The following IKBKB variants were observed in gnomAD, a reference collection of about 807,000 sequenced individuals.
IKBKB encodes the protein inhibitor of nuclear factor kappa-B kinase subunit beta.
A neutral mutation model predicts 113.6 loss-of-function variants in IKBKB; 42 were observed. That is an observed-to-expected ratio of 0.37 (90% CI 0.29 to 0.48). The LOEUF (loss-of-function observed/expected upper bound fraction) is 0.48, where lower values mean the gene tolerates loss of function less well. Ranked by LOEUF, IKBKB falls within the 20% of genes least tolerant of loss-of-function variation. The pLI, the probability that IKBKB is intolerant of heterozygous loss-of-function variation, is 0.99. For synonymous variants in IKBKB, 296 were observed against 361.3 expected (o/e 0.82, Z 2.05); for missense variants, 673 against 939.7 (o/e 0.72, Z 3.71).
At chr8:42,293,725 CTGAT>C (rs1424093422) in intron 5 of IKBKB, among the ~76,000 whole-genome samples, 1 of 152,188 alleles carries the variant, frequency 6.6e-6, no homozygotes, top group African/African-American at 2.4e-5. Context: ...CCCTTCCTTC[CTGAT>C]TAACTCATCA....
Position 42,293,531 on chromosome 8 carries a change from AT to A in IKBKB, c.388+21del. The A allele has an allele frequency of 6.2e-7, 1 of 1,614,090 alleles. No homozygotes were observed. The highest frequency in any genetic ancestry group is 1.1e-5 in the South Asian group (1 of 91,084). ...GACATTGGTAAATCCCAGTCCCGGA[AT>A]TCAGGCCGTGTCCTTCAGGGAGAGT... is the stretch of plus-strand genomic sequence containing the variant. On this transcript the variant is annotated intron_variant, in intron 5 of 21. Coordinates refer to ENST00000520810, the MANE Select transcript of IKBKB (RefSeq NM_001556.3).
intron 8 of IKBKB, 72 bp downstream of exon 8, chr8:42,309,097 C>T (rs1309755152): frequency 1.3e-6 from 2 of 1,498,634 alleles, no homozygotes; most frequent in Non-Finnish European, 9.0e-7. Flanking sequence ...ACCCTGTTTC[C>T]CTGGCGCCCC....
At position 42,272,075 on chromosome 8, in the gene IKBKB, G is replaced by T; in HGVS notation, c.-18-8G>T. 6.2e-7 allele frequency: 1 copy of T among 1,609,308 alleles called. No individual in the cohort carries two copies. The highest frequency in any genetic ancestry group is 8.5e-7 in the Non-Finnish European group (1 of 1,177,404). ...TAACCTTTTTTCCCCATCCCAAATT[G>T]CTTATAGAGTTAGCACGACATCAGT... On this transcript the variant is annotated splice_region_variant and splice_polypyrimidine_tract_variant and intron_variant, in intron 1 of 21. Transcript: ENST00000520810.
intron 2 of IKBKB, among the ~76,000 whole-genome samples, chr8:42,272,665 C>T (rs772294546): frequency 2.0e-5 from 3 of 152,022 alleles, no homozygotes; most frequent in Non-Finnish European, 4.4e-5. Context: ...GCCAGCTGGG[C>T]GTGGTGGCTT....
chr8:42,276,092 CA>C (rs1809030869), intron 2 of IKBKB, among the ~76,000 whole-genome samples: 1 of 152,232 alleles, frequency 6.6e-6, no homozygotes, highest in Admixed American at 6.5e-5. Context: ...CCGCCTGCCT[CA>C]GCCTCCCAAC....
intron 8 of IKBKB, among the ~76,000 whole-genome samples, chr8:42,310,584 T>C (rs1287035246): frequency 1.3e-5 from 2 of 152,208 alleles, no homozygotes; most frequent in Admixed American, 1.3e-4. Flanking sequence ...ACACAAAAAA[T>C]TATTATTTTG....
At chr8:42,325,429 T>A in intron 19 of IKBKB, 2 of 983,384 alleles carry the variant, frequency 2.0e-6, no homozygotes, top group Non-Finnish European at 2.4e-6. Context: ...GGATCATGAA[T>A]CCCAGAACTT....
chr8:42,272,386 C>G (rs1217769982), intron 2 of IKBKB, 181 bp downstream of exon 2: 1 of 697,816 alleles, frequency 1.4e-6, no homozygotes, highest in African/African-American at 1.8e-5. Context: ...TTAGTGGTCT[C>G]CATGCTTTAT....
At chr8:42,306,229 T>C in intron 6 of IKBKB, 114 bp from the exon 7 acceptor site, 2 of 672,012 alleles carry the variant, frequency 3.0e-6, no homozygotes, top group Non-Finnish European at 5.4e-6. Context: ...GTTTGGGATC[T>C]AATAGTACCT....
chr8:42,321,631 C>T (rs1585794012), intron 16 of IKBKB: 1 of 416,800 alleles, frequency 2.4e-6, no homozygotes, highest in Non-Finnish European at 4.3e-6. Flanking sequence ...ATGCAGTCCT[C>T]CCATCTCAGC....
At chr8:42,307,776 G>A (rs1235934322) in intron 7 of IKBKB, among the ~76,000 whole-genome samples, 2 of 152,196 alleles carry the variant, frequency 1.3e-5, no homozygotes, top group African/African-American at 2.4e-5. Context: ...GTCAAGTCAT[G>A]TACTCACATG....
At chr8:42,317,035 G>T in intron 11 of IKBKB, 131 bp downstream of exon 11, 1 of 897,500 alleles carries the variant, frequency 1.1e-6, no homozygotes, top group South Asian at 1.4e-5. Flanking sequence ...TACCTGGCTG[G>T]TTTTTAAGTT....
At chr8:42,330,014 C>A in intron 21 of IKBKB, 1 of 985,446 alleles carries the variant, frequency 1.0e-6, no homozygotes, top group Non-Finnish European at 1.2e-6. Context: ...ATATCTCTTG[C>A]TGCTCTCCTC....
At chr8:42,328,432 T>C (rs888952473) in intron 20 of IKBKB, among the ~76,000 whole-genome samples, 5 of 152,118 alleles carry the variant, frequency 3.3e-5, no homozygotes, top group Admixed American at 2.0e-4. Flanking sequence ...TGCCATCAGA[T>C]TGTCACATTT....
chr8:42,330,917 C>T lies in IKBKB; in HGVS notation c.2209C>T (p.Leu737=). Residue 737 remains leucine (L), a synonymous_variant, in exon 22 of 22, where the codon CTA becomes TTA. Transcript: ENST00000520810. The stretch of plus-strand genomic sequence containing the variant: ...TAACATGTCTGTTGACTTTCAGGCC[C>T]TAGACTGGAGCTGGTTACAGACGGA... ...VREQDQSFTA[L]DWSWLQTEEE... The T allele has an allele frequency of 1.2e-6, 2 of 1,614,196 alleles. No individual in the cohort carries two copies. Among genetic ancestry groups the T allele is most frequent in the East Asian group, 2.2e-5 (1 of 44,888 alleles).
chr8:42,320,170 T>C (rs1029660553), intron 15 of IKBKB: 2 of 157,690 alleles, frequency 1.3e-5, no homozygotes, highest in African/African-American at 4.8e-5. Flanking sequence ...CCTGGACTTA[T>C]CCTCTGTTTT....
intron 7 of IKBKB, among the ~76,000 whole-genome samples, chr8:42,308,135 C>T (rs1012989263): frequency 3.9e-5 from 6 of 152,232 alleles, no homozygotes; most frequent in Admixed American, 6.5e-5. Flanking sequence ...GCACTTAATG[C>T]GTGTATTTGG....
intron 5 of IKBKB, among the ~76,000 whole-genome samples, chr8:42,304,377 A>G (rs1410541741): frequency 6.6e-6 from 1 of 152,194 alleles, no homozygotes; most frequent in Non-Finnish European, 1.5e-5. Flanking sequence ...CCTTCTTGCC[A>G]TCTGAGCTGC....
intron 19 of IKBKB, chr8:42,325,638 A>T: frequency 9.5e-7 from 1 of 1,048,984 alleles, no homozygotes; most frequent in Non-Finnish European, 1.2e-6. Context: ...AAGATCGCAC[A>T]TCGCACTTCA....
Sources: allele counts gnomAD v4.1 joint callset (sites outside exome capture counted in the v4.1 genomes callset), GRCh38; gene constraint gnomAD v4.1.1; transcripts MANE v1.5; gene names NCBI Gene and HGNC (gene_info 2026-07-23, HGNC 2026-07-21).